RAB11FIP3: variants seen among roughly 807,000 people sequenced by gnomAD.
RAB11FIP3 encodes the protein RAB11 family interacting protein 3.
In RAB11FIP3, 17 loss-of-function variants were observed where a neutral mutation model predicts 77.8. The ratio of observed to expected loss-of-function variants is 0.22; its 90% CI spans 0.15 to 0.33. The LOEUF (loss-of-function observed/expected upper bound fraction) is 0.33, where lower values mean the gene tolerates loss of function less well. RAB11FIP3 is among the 10% of genes least tolerant of loss of function. RAB11FIP3 has a pLI of 1.00. For missense variants in RAB11FIP3, 1,005 were observed against 1,011.2 expected (o/e 0.99, Z 0.08); for synonymous variants, 437 against 448.2 (o/e 0.98, Z 0.31).
chr16:431,316 T>A (rs988286031), intron 1 of RAB11FIP3, among the ~76,000 whole-genome samples: 1 of 152,094 alleles, frequency 6.6e-6, no homozygotes, highest in Non-Finnish European at 1.5e-5. Flanking sequence ...AAACAGAAAA[T>A]GACCAATAAT....
In RAB11FIP3 at chr16:522,358, T is replaced by C. The variant is rs1163580703; in HGVS notation, c.*1519T>C. 6.6e-6 allele frequency: 1 copy of C among 151,740 alleles called. No individual in the cohort carries two copies. The highest frequency in any genetic ancestry group is 1.5e-5 in the Non-Finnish European group (1 of 67,960). 9.4% of individuals were successfully genotyped at this position (151,740 alleles called of 1,614,324 possible). On this transcript the variant is annotated 3_prime_UTR_variant, in exon 14 of 14. Transcript: ENST00000262305. ...TGGCACCACTCAGCAGTGCTGTCAC[T>C]GTAAGCATGGACTCCCAGGAGACAG...
At chr16:477,283 G>A (rs574094403) in intron 3 of RAB11FIP3, among the ~76,000 whole-genome samples, 2 of 152,174 alleles carry the variant, frequency 1.3e-5, no homozygotes, top group South Asian at 2.1e-4. Flanking sequence ...TTTAGGCTAC[G>A]TACTGAACCA....
intron 1 of RAB11FIP3, among the ~76,000 whole-genome samples, chr16:427,215 C>T (rs181765851): frequency 1.6e-3 from 247 of 152,360 alleles, no homozygotes; most frequent in African/African-American, 5.6e-3. Flanking sequence ...AATTACTTTA[C>T]TGTGTGTGGT....
chr16:476,876 G>T (rs2055920336), intron 3 of RAB11FIP3, among the ~76,000 whole-genome samples: 2 of 151,970 alleles, frequency 1.3e-5, no homozygotes, highest in Non-Finnish European at 2.9e-5. Flanking sequence ...AGATCACAAG[G>T]TCAGGAGTTC....
chr16:508,793 G>T (rs111800257), intron 8 of RAB11FIP3, among the ~76,000 whole-genome samples: 143 of 152,046 alleles, frequency 9.4e-4, no homozygotes, highest in African/African-American at 3.3e-3. Context: ...TCACACAGTG[G>T]GCCTTCTGGA....
chr16:458,159 A>T (rs566800472), intron 1 of RAB11FIP3, among the ~76,000 whole-genome samples: 1 of 152,368 alleles, frequency 6.6e-6, no homozygotes, highest in African/African-American at 2.4e-5. Context: ...GTTGGCTGAC[A>T]GTGGCGAGAG....
intron 3 of RAB11FIP3, among the ~76,000 whole-genome samples, chr16:481,567 C>T (rs1251433216): frequency 2.0e-5 from 3 of 150,706 alleles, no homozygotes; most frequent in Non-Finnish European, 4.4e-5. Flanking sequence ...TCTTGAGTAG[C>T]TGGGACCTAC....
chr16:463,437 T>G (rs1472731569), intron 2 of RAB11FIP3, among the ~76,000 whole-genome samples: 3 of 142,650 alleles, frequency 2.1e-5, no homozygotes, highest in Non-Finnish European at 4.5e-5. Flanking sequence ...CCGGTTTTTT[T>G]TTTTTTTTTT....
intron 1 of RAB11FIP3, among the ~76,000 whole-genome samples, chr16:441,478 T>A (rs575031131): frequency 6.6e-6 from 1 of 152,214 alleles, no homozygotes; most frequent in Non-Finnish European, 1.5e-5. Context: ...TGCCGATTCA[T>A]TCAAAGCCCC....
chr16:464,623 C>T (rs1042646856), intron 2 of RAB11FIP3, among the ~76,000 whole-genome samples: 1 of 152,180 alleles, frequency 6.6e-6, no homozygotes, highest in Non-Finnish European at 1.5e-5. Context: ...GGGCCAGGCA[C>T]AGTGGCTCAT....
At chr16:510,554 G>C in intron 8 of RAB11FIP3, 106 bp from the exon 9 acceptor site, 1 of 1,327,330 alleles carries the variant, frequency 7.5e-7, no homozygotes, top group East Asian at 2.5e-5. Context: ...CCCTACTCCC[G>C]AGTGGAGGCA....
At chr16:491,094 G>T (rs936130010) in intron 5 of RAB11FIP3, 1 of 1,278,540 alleles carries the variant, frequency 7.8e-7, no homozygotes, top group Admixed American at 2.3e-5. Context: ...GACCACACGG[G>T]TCCTCATCCT....
At chr16:495,853 C>T (rs540534392) in intron 5 of RAB11FIP3, among the ~76,000 whole-genome samples, 18 of 152,272 alleles carry the variant, frequency 1.2e-4, no homozygotes, top group Admixed American at 3.3e-4. Flanking sequence ...CGGGTTCAAG[C>T]GAGTCTCCTG....
intron 6 of RAB11FIP3, 129 bp from the exon 7 acceptor site, chr16:502,875 A>G: frequency 1.3e-6 from 1 of 753,078 alleles, no homozygotes; most frequent in African/African-American, 1.7e-5. Flanking sequence ...CACCACCCAG[A>G]TCAGGGGAGG....
intron 9 of RAB11FIP3, among the ~76,000 whole-genome samples, chr16:517,532 C>T (rs1323938551): frequency 2.0e-5 from 3 of 152,046 alleles, no homozygotes; most frequent in Non-Finnish European, 2.9e-5. Flanking sequence ...TCCACCAGTG[C>T]ACTCTGGGTA....
rs1567392431 is a variant in RAB11FIP3 at position 492,476 on chromosome 16, G to GT, written c.1265+3476_1265+3477insT. On this transcript the variant is annotated intron_variant, in intron 5 of 13. Transcript: ENST00000262305. ...GCCCTTCCCGGGGAGACCCGAGGCC[G>GT]CCCAGGGCCCTCCCGGGAGACCCGA... 1.2e-3 allele frequency among the ~76,000 whole-genome samples: 129 copies of GT among 107,232 alleles called. 11 individuals carry two copies. The highest frequency in any genetic ancestry group is 5.0e-3 in the East Asian group (21 of 4,240). 70.3% of individuals were successfully genotyped at this position (107,232 alleles called of 152,430 possible).
intron 4 of RAB11FIP3, among the ~76,000 whole-genome samples, 162 bp from the exon 5 acceptor site, chr16:488,689 G>A (rs993107012): frequency 1.3e-5 from 2 of 150,846 alleles, no homozygotes; most frequent in Non-Finnish European, 2.9e-5. Flanking sequence ...GATTACATGT[G>A]TGAGCCACCG....
intron 1 of RAB11FIP3, among the ~76,000 whole-genome samples, chr16:451,874 G>A (rs1466716904): frequency 6.6e-6 from 1 of 151,868 alleles, no homozygotes. Flanking sequence ...AAAGGCCGGG[G>A]CTCGGTGGCT....
At chr16:434,332 C>G (rs560037510) in intron 1 of RAB11FIP3, among the ~76,000 whole-genome samples, 3 of 152,344 alleles carry the variant, frequency 2.0e-5, no homozygotes, top group Middle Eastern at 3.4e-3. Flanking sequence ...CATGTTAGCC[C>G]AGGCTGGTCT....
Sources: gnomAD v4.1 joint callset for allele counts (sites outside exome capture counted in the v4.1 genomes callset) on GRCh38, gnomAD v4.1.1 for gene constraint, MANE v1.5 for transcripts, NCBI Gene and HGNC (gene_info 2026-07-23, HGNC 2026-07-21) for gene names.